Variants in TMX3 observed in about 807,000 individuals in gnomAD.
TMX3 encodes the protein thioredoxin related transmembrane protein 3.
In TMX3, 40 loss-of-function variants were observed where a neutral mutation model predicts 64.4. The ratio of observed to expected loss-of-function variants is 0.62; its 90% CI spans 0.48 to 0.81. The LOEUF (loss-of-function observed/expected upper bound fraction) is 0.81, where lower values mean the gene tolerates loss of function less well. Among genes scored for constraint, TMX3 ranks in the 30% least tolerant of loss-of-function variants. The pLI, the probability that TMX3 is intolerant of heterozygous loss-of-function variation, is 0.00. For synonymous variants in TMX3, 189 were observed against 175.7 expected (o/e 1.08, Z -0.60); for missense variants, 497 against 534.5 (o/e 0.93, Z 0.69).
chr18:68,692,311 G>A (rs1321100817), intron 8 of TMX3, among the ~76,000 whole-genome samples: 3 of 152,004 alleles, frequency 2.0e-5, no homozygotes, highest in Non-Finnish European at 4.4e-5. Flanking sequence ...GTTCTTACTA[G>A]AACACAAATG....
chr18:68,682,854 C>T (rs1344197449), intron 13 of TMX3, 71 bp downstream of exon 13: 1 of 1,367,406 alleles, frequency 7.3e-7, no homozygotes, highest in Non-Finnish European at 1.0e-6. Context: ...TTTAATCCTT[C>T]TACCTGTATC....
chr18:68,707,333 G>A (rs895661474), intron 4 of TMX3, among the ~76,000 whole-genome samples: 7 of 152,190 alleles, frequency 4.6e-5, no homozygotes, highest in Admixed American at 3.3e-4. Flanking sequence ...GTAAAAAGTC[G>A]CAACCTGTAT....
At chr18:68,682,796 G>A in intron 13 of TMX3, 129 bp downstream of exon 13, 1 of 642,126 alleles carries the variant, frequency 1.6e-6, no homozygotes, top group East Asian at 3.0e-5. Context: ...TATTTAATGG[G>A]AGAATATCTG....
At chr18:68,713,623 T>A (rs1027767049) in intron 2 of TMX3, among the ~76,000 whole-genome samples, 1 of 152,020 alleles carries the variant, frequency 6.6e-6, no homozygotes, top group Non-Finnish European at 1.5e-5. Flanking sequence ...GGTAAGATAA[T>A]GAGGAAAAAA....
chr18:68,695,035 T>C (rs890053034), intron 8 of TMX3, among the ~76,000 whole-genome samples: 20 of 152,196 alleles, frequency 1.3e-4, no homozygotes, highest in South Asian at 4.1e-4. Flanking sequence ...GCCAAATTCC[T>C]AAGGTCCCCT....
At chr18:68,678,402 G>A (rs1319207880) in intron 15 of TMX3, among the ~76,000 whole-genome samples, 2 of 152,048 alleles carry the variant, frequency 1.3e-5, no homozygotes, top group African/African-American at 4.8e-5. Flanking sequence ...GCTGGGAGAG[G>A]GAGAACAATT....
intron 6 of TMX3, among the ~76,000 whole-genome samples, chr18:68,698,330 G>A (rs1915318847): frequency 6.6e-6 from 1 of 152,138 alleles, no homozygotes; most frequent in Admixed American, 6.5e-5. Flanking sequence ...AAAAAGAGAA[G>A]TATTGTCCAT....
chr18:68,699,203 A>G (rs1915431885), intron 6 of TMX3, among the ~76,000 whole-genome samples: 1 of 152,172 alleles, frequency 6.6e-6, no homozygotes, highest in African/African-American at 2.4e-5. Flanking sequence ...TTTAATACTT[A>G]GTAACTAAAT....
At chr18:68,699,998 G>A (rs1462120669) in intron 6 of TMX3, among the ~76,000 whole-genome samples, 1 of 152,134 alleles carries the variant, frequency 6.6e-6, no homozygotes, top group Non-Finnish European at 1.5e-5. Flanking sequence ...GAGTATGGAT[G>A]AAAGCCCAAG....
chr18:68,710,189 A>T, intron 3 of TMX3, 45 bp from the exon 4 acceptor site: 1 of 1,463,586 alleles, frequency 6.8e-7, no homozygotes, highest in Non-Finnish European at 9.1e-7. Context: ...GATAACCATT[A>T]AAATGTTGTG....
chr18:68,700,689 T>C (rs1053775944), intron 5 of TMX3: 61 of 951,628 alleles, frequency 6.4e-5, no homozygotes, highest in Admixed American at 3.1e-4. Flanking sequence ...CTGTATTCTA[T>C]TAAAATTACA....
intron 7 of TMX3, chr18:68,697,599 G>T (rs2298672): frequency 5.9e-6 from 2 of 337,946 alleles, no homozygotes; most frequent in Non-Finnish European, 1.1e-5. Flanking sequence ...GATGATTATA[G>T]GAAGATATGT....
intron 10 of TMX3, 143 bp downstream of exon 10, chr18:68,687,524 C>T: frequency 7.0e-7 from 1 of 1,420,150 alleles, no homozygotes; most frequent in South Asian, 1.6e-5. Flanking sequence ...AGTTTACATT[C>T]TCGTAAAGAA....
At chr18:68,701,558 G>A in intron 5 of TMX3, 187 bp downstream of exon 5, 1 of 1,371,602 alleles carries the variant, frequency 7.3e-7, no homozygotes, top group Non-Finnish European at 9.9e-7. Context: ...TAAACAACAT[G>A]ATTGCTTAAA....
At chr18:68,682,493 C>A (rs1913531384) in intron 13 of TMX3, among the ~76,000 whole-genome samples, 1 of 151,984 alleles carries the variant, frequency 6.6e-6, no homozygotes, top group African/African-American at 2.4e-5. Context: ...AAATTTTAAA[C>A]AGATAAAAAT....
At chr18:68,705,539 C>T (rs77184856) in intron 4 of TMX3, among the ~76,000 whole-genome samples, 2,208 of 152,232 alleles carry the variant, frequency 0.015, 55 homozygotes, top group African/African-American at 0.049. Context: ...TGATCTTTAT[C>T]ATAAAATGAT....
chr18:68,686,929 T>A (rs1914021271), intron 10 of TMX3: 2 of 984,332 alleles, frequency 2.0e-6, no homozygotes, highest in African/African-American at 3.5e-5. Flanking sequence ...TTAATTAGAT[T>A]TAAGAGTAGG....
At position 68,715,042 on chromosome 18, in the gene TMX3, C is replaced by T. The variant is rs1306978253; in HGVS notation, c.-61G>A. 6 of 1,547,802 alleles carry T rather than the reference C, an allele frequency of 3.9e-6. No individual in the cohort carries two copies. In the South Asian group the frequency reaches 4.8e-5, roughly 12 times the overall value. On this transcript the variant is annotated 5_prime_UTR_variant, in exon 1 of 16. Transcript: ENST00000299608. ...AAAGAGGGATAAAGACACTGGGGTC[C>T]GCCGCCTGCCCGCCCGGAAAGGGAA...
Position 68,701,761 on chromosome 18 carries a change from A to G in TMX3, c.295T>C (p.Tyr99His). ...SIASEFGVRGYPTIKLLKGDL... is the reference protein window; with the variant it reads ...SIASEFGVRGHPTIKLLKGDL... ...TCAACTTACAGCTTAATTGTTGGATAACCTCGAACTCCAAACTCTGAAGCA... is the reference window on the plus strand; with the variant it reads ...TCAACTTACAGCTTAATTGTTGGATGACCTCGAACTCCAAACTCTGAAGCA... Residue 99 changes from tyrosine (Y) to histidine (H), a missense_variant, in exon 5 of 16, where the codon TAT becomes CAT. Tyr to His is a moderately conservative substitution (Grantham distance 83). Around this residue, in one of 3 missense-constraint regions of TMX3, gnomAD observed 360 missense variants for 383.5 expected, o/e 0.94. Coordinates refer to ENST00000299608, the MANE Select transcript of TMX3 (RefSeq NM_019022.5). 6.2e-7 allele frequency: 1 copy of G among 1,611,962 alleles called. No individual in the cohort carries two copies. Among genetic ancestry groups the G allele is most frequent in the Non-Finnish European group, 8.5e-7 (1 of 1,179,230 alleles).
Sources: gnomAD v4.1 joint callset for allele counts (sites outside exome capture counted in the v4.1 genomes callset) on GRCh38, gnomAD v4.1.1 for gene constraint, gnomAD v4.1.1 regional missense constraint, MANE v1.5 for transcripts, NCBI Gene and HGNC (gene_info 2026-07-23, HGNC 2026-07-21) for gene names.